DCDC1: variants seen among roughly 807,000 people sequenced by gnomAD.
The protein encoded by DCDC1 is doublecortin domain-containing protein 1.
A neutral mutation model predicts 178.3 loss-of-function variants in DCDC1; 200 were observed. The observed-to-expected ratio is 1.12, with a 90% CI of 1.00 to 1.26. The LOEUF is 1.26. Ranked by LOEUF, DCDC1 falls within the 50% of genes most tolerant of loss-of-function variation. DCDC1 has a pLI of 0.00. For synonymous variants in DCDC1, 690 were observed against 604.8 expected (o/e 1.14, Z -2.07); for missense variants, 1,983 against 1,749.2 (o/e 1.13, Z -2.38).
At chr11:31,165,560 C>T (rs1966705966) in intron 9 of DCDC1, among the ~76,000 whole-genome samples, 1 of 152,224 alleles carries the variant, frequency 6.6e-6, no homozygotes, top group Non-Finnish European at 1.5e-5. Flanking sequence ...ACCCTCCCAC[C>T]TTGGTCTCCC....
intron 13 of DCDC1, 130 bp from the exon 14 acceptor site, chr11:31,103,899 T>TATAGCACTATTGC (rs1958673237): frequency 1.7e-6 from 1 of 593,974 alleles, no homozygotes; most frequent in African/African-American, 1.8e-5. Flanking sequence ...TTTCCTATTG[T>TATAGCACTATTGC]ATAGCACTAT....
chr11:30,996,815 C>A (rs1951298197), intron 20 of DCDC1, among the ~76,000 whole-genome samples: 1 of 152,202 alleles, frequency 6.6e-6, no homozygotes. Flanking sequence ...AACTAAGACA[C>A]ACATGGTCCA....
intron 36 of DCDC1, among the ~76,000 whole-genome samples, chr11:30,887,516 G>A (rs897231945): frequency 1.3e-5 from 2 of 152,192 alleles, no homozygotes; most frequent in Admixed American, 6.5e-5. Flanking sequence ...TTCCTTAGCA[G>A]ACCAAATATG....
chr11:31,072,753 A>G (rs1213434035), intron 18 of DCDC1, among the ~76,000 whole-genome samples: 1 of 152,144 alleles, frequency 6.6e-6, no homozygotes, highest in African/African-American at 2.4e-5. Flanking sequence ...AATGCAATAA[A>G]TGTATTTAAG....
intron 8 of DCDC1, among the ~76,000 whole-genome samples, chr11:31,255,796 G>T (rs1036063954): frequency 6.6e-6 from 1 of 151,934 alleles, no homozygotes; most frequent in African/African-American, 2.4e-5. Flanking sequence ...TCTTGATAAT[G>T]TCCTTTGGTG....
intron 6 of DCDC1, among the ~76,000 whole-genome samples, chr11:31,291,251 G>A (rs1220247806): frequency 1.3e-5 from 2 of 151,866 alleles, no homozygotes; most frequent in Non-Finnish European, 2.9e-5. Context: ...CTTTAGGGTT[G>A]GGAAACATTT....
intron 20 of DCDC1, among the ~76,000 whole-genome samples, chr11:30,988,848 T>C (rs1406033243): frequency 6.6e-6 from 1 of 152,200 alleles, no homozygotes; most frequent in Non-Finnish European, 1.5e-5. Flanking sequence ...TCTAGAGCCT[T>C]TCCACCAGCT....
intron 9 of DCDC1, among the ~76,000 whole-genome samples, chr11:31,174,303 G>A (rs1429323517): frequency 6.6e-6 from 1 of 152,222 alleles, no homozygotes; most frequent in Non-Finnish European, 1.5e-5. Context: ...AGTTGAGGCT[G>A]AGCCCAGGCA....
intron 11 of DCDC1, among the ~76,000 whole-genome samples, chr11:31,121,942 G>A (rs1960873566): frequency 6.6e-6 from 1 of 152,132 alleles, no homozygotes; most frequent in Non-Finnish European, 1.5e-5. Flanking sequence ...TTTGTTTATT[G>A]ATAAGTCATT....
chr11:30,918,011 A>G (rs2134222157), intron 25 of DCDC1, among the ~76,000 whole-genome samples: 1 of 152,152 alleles, frequency 6.6e-6, no homozygotes, highest in African/African-American at 2.4e-5. Context: ...AGGCAGCACA[A>G]GCGGCTTCTG....
chr11:31,206,513 A>G (rs1231050018), intron 9 of DCDC1, among the ~76,000 whole-genome samples: 1 of 152,192 alleles, frequency 6.6e-6, no homozygotes, highest in Admixed American at 6.5e-5. Flanking sequence ...TCCCAGGCTC[A>G]AGTGATTCTC....
At chr11:30,879,498 T>G (rs1418069603) in intron 37 of DCDC1, among the ~76,000 whole-genome samples, 1 of 152,156 alleles carries the variant, frequency 6.6e-6, no homozygotes, top group African/African-American at 2.4e-5. Context: ...CATATATAGC[T>G]CATTGGAAAG....
At chr11:30,960,339 AC>A (rs1245111897) in intron 20 of DCDC1, among the ~76,000 whole-genome samples, 1 of 152,138 alleles carries the variant, frequency 6.6e-6, no homozygotes, top group African/African-American at 2.4e-5. Context: ...TGTTCAACTT[AC>A]ACTGTTAATA....
intron 10 of DCDC1, among the ~76,000 whole-genome samples, chr11:31,136,305 T>C (rs1963126445): frequency 1.3e-5 from 2 of 152,136 alleles, no homozygotes; most frequent in South Asian, 4.1e-4. Flanking sequence ...GTCAGAACTA[T>C]AATTTAAATC....
intron 20 of DCDC1, among the ~76,000 whole-genome samples, chr11:30,975,565 T>C (rs973104862): frequency 1.3e-5 from 2 of 152,030 alleles, no homozygotes; most frequent in African/African-American, 2.4e-5. Context: ...TATTTCTATA[T>C]ACCAAACGTG....
chr11:30,987,379 C>G (rs1950713583), intron 20 of DCDC1, among the ~76,000 whole-genome samples: 1 of 152,158 alleles, frequency 6.6e-6, no homozygotes, highest in Non-Finnish European at 1.5e-5. Flanking sequence ...ATAAACATTT[C>G]TTAATTATCT....
intron 1 of DCDC1, among the ~76,000 whole-genome samples, chr11:31,354,631 G>A (rs998148284): frequency 3.9e-5 from 6 of 152,082 alleles, no homozygotes; most frequent in Non-Finnish European, 7.4e-5. Flanking sequence ...ATATTATCAC[G>A]CAAAAAGTGA....
At chr11:30,945,949 T>G (rs1948021259) in intron 21 of DCDC1, among the ~76,000 whole-genome samples, 1 of 152,128 alleles carries the variant, frequency 6.6e-6, no homozygotes, top group South Asian at 2.1e-4. Context: ...ACAGCCTCTT[T>G]TTTTGTTCGT....
intron 20 of DCDC1, among the ~76,000 whole-genome samples, chr11:31,016,569 A>G (rs1415687212): frequency 6.6e-6 from 1 of 152,196 alleles, no homozygotes; most frequent in Non-Finnish European, 1.5e-5. Context: ...GTGGCATCAA[A>G]GAAGGTTCAA....
Sources: gnomAD v4.1 joint callset for allele counts (sites outside exome capture counted in the v4.1 genomes callset) on GRCh38, gnomAD v4.1.1 for gene constraint, MANE v1.5 for transcripts, NCBI Gene and HGNC (gene_info 2026-07-23, HGNC 2026-07-21) for gene names.